The following PVT1 variants were observed in gnomAD, a reference collection of about 807,000 sequenced individuals.
PVT1 encodes the protein CXCR4/PVT1 fusion.
intron 3 of PVT1, among the ~76,000 whole-genome samples, chr8:127,961,689 C>G (rs968049389): frequency 5.9e-5 from 9 of 152,224 alleles, no homozygotes; most frequent in Admixed American, 6.5e-5. Flanking sequence ...TTACTGTTCT[C>G]CAAACCACGG....
chr8:127,817,888 C>T (rs772034544), intron 2 of PVT1, among the ~76,000 whole-genome samples: 6 of 151,938 alleles, frequency 3.9e-5, no homozygotes, highest in South Asian at 4.2e-4. Context: ...GAGAAAGATC[C>T]GGCATGTGTA....
intron 4 of PVT1, among the ~76,000 whole-genome samples, chr8:128,033,396 C>T (rs919110893): frequency 3.3e-5 from 5 of 152,256 alleles, no homozygotes; most frequent in African/African-American, 1.2e-4. Flanking sequence ...CTCTTGCAGC[C>T]AGTTCTCCCT....
At chr8:128,089,573 G>A (rs1295453585) in intron 5 of PVT1, among the ~76,000 whole-genome samples, 2 of 152,170 alleles carry the variant, frequency 1.3e-5, no homozygotes, top group Non-Finnish European at 2.9e-5. Context: ...CTATAACTGG[G>A]ATGCAAGGAT....
At chr8:128,028,048 C>G (rs925774127) in intron 4 of PVT1, among the ~76,000 whole-genome samples, 1 of 152,350 alleles carries the variant, frequency 6.6e-6, no homozygotes, top group Admixed American at 6.5e-5. Flanking sequence ...TCCTGCCCTC[C>G]GTCCCGCCAC....
Position 127,976,074 on chromosome 8 carries a change from A to T in PVT1, n.783-13088A>T, listed in dbSNP as rs59782674. ...TAAAGAGCCTTGTTGTCTCTAAGGA[A>T]GAGTGGAGCTTACATCTTTGGGTTT... On this transcript the variant is annotated intron_variant and non_coding_transcript_variant, in intron 3 of 10. Coordinates refer to ENST00000651587, the Ensembl canonical transcript of PVT1. 9.8e-4 allele frequency among the ~76,000 whole-genome samples: 149 copies of T among 152,338 alleles called. 3 individuals are homozygous for T. In the East Asian group the frequency reaches 0.025, roughly 25 times the overall value.
At chr8:127,830,642 G>T (rs1814838591) in intron 2 of PVT1, among the ~76,000 whole-genome samples, 1 of 152,110 alleles carries the variant, frequency 6.6e-6, no homozygotes, top group Non-Finnish European at 1.5e-5. Flanking sequence ...CTAGCACGTT[G>T]CGGGGCTGTG....
chr8:127,956,485 T>C (rs1217391328), intron 3 of PVT1, among the ~76,000 whole-genome samples: 1 of 152,242 alleles, frequency 6.6e-6, no homozygotes, highest in Non-Finnish European at 1.5e-5. Flanking sequence ...TTGTTGTGTT[T>C]TTTCTGTTTT....
At chr8:127,817,555 A>G (rs1403216125) in intron 2 of PVT1, among the ~76,000 whole-genome samples, 1 of 96,724 alleles carries the variant, frequency 1.0e-5, no homozygotes, top group Non-Finnish European at 2.3e-5. Flanking sequence ...ATACACACAC[A>G]CACACATATA....
intron 4 of PVT1, among the ~76,000 whole-genome samples, chr8:128,050,081 T>C (rs1813670505): frequency 6.6e-6 from 1 of 152,164 alleles, no homozygotes; most frequent in Non-Finnish European, 1.5e-5. Context: ...TTTTGGGAAG[T>C]CCTGGCCTGT....
chr8:127,947,473 C>G (rs1347527131), intron 3 of PVT1: 1 of 327,226 alleles, frequency 3.1e-6, no homozygotes, highest in Non-Finnish European at 6.1e-6. Flanking sequence ...TTGGCATTCC[C>G]TCTGTCTCCT....
At chr8:127,891,010 C>T (rs940211376) in intron 3 of PVT1, 2 of 152,678 alleles carry the variant, frequency 1.3e-5, no homozygotes, top group Non-Finnish European at 2.9e-5. Flanking sequence ...TGAGGCTGTC[C>T]TGGCTGGTCA....
chr8:127,824,864 A>T (rs1005458957), intron 2 of PVT1, among the ~76,000 whole-genome samples: 5 of 152,188 alleles, frequency 3.3e-5, no homozygotes, highest in African/African-American at 1.2e-4. Context: ...TCCTGCCTGT[A>T]ATCCCAGCAC....
intron 3 of PVT1, among the ~76,000 whole-genome samples, chr8:127,925,807 A>C (rs1000003273): frequency 9.2e-5 from 14 of 151,940 alleles, no homozygotes; most frequent in Non-Finnish European, 1.9e-4. Context: ...ATGCCTGGCT[A>C]ATTTTGTATT....
At chr8:127,827,120 C>G (rs555097318) in intron 2 of PVT1, among the ~76,000 whole-genome samples, 2 of 151,138 alleles carry the variant, frequency 1.3e-5, no homozygotes, top group African/African-American at 2.4e-5. Flanking sequence ...CTCAGTCTCC[C>G]AAGTAGCTGG....
chr8:127,920,001 A>G (rs1192096247), intron 3 of PVT1, among the ~76,000 whole-genome samples: 1 of 152,158 alleles, frequency 6.6e-6, no homozygotes, highest in Non-Finnish European at 1.5e-5. Flanking sequence ...CCTGGCCTTG[A>G]AGTCTCCCCC....
Position 127,880,780 on chromosome 8 carries a change from T to C in PVT1, n.373-9809T>C, listed in dbSNP as rs567961463. ...CATGACTGGCTAATTTTTTGTACTTTAGTAGAGACGGGGTTTTGCCATGCT... is the reference window on the plus strand; with the variant it reads ...CATGACTGGCTAATTTTTTGTACTTCAGTAGAGACGGGGTTTTGCCATGCT... On this transcript the variant is annotated intron_variant and non_coding_transcript_variant, in intron 2 of 10. Transcript: ENST00000651587. 6.6e-5 allele frequency among the ~76,000 whole-genome samples: 10 copies of C among 152,214 alleles called. No individual in the cohort carries two copies. The South Asian group carries it at 1.9e-3, about 28-fold the overall frequency.
intron 4 of PVT1, among the ~76,000 whole-genome samples, chr8:128,053,747 C>T (rs1293372859): frequency 1.3e-5 from 2 of 152,196 alleles, no homozygotes; most frequent in South Asian, 2.1e-4. Context: ...AATTAATTAT[C>T]ATAACAAGTC....
In PVT1 at chr8:127,858,522, G is replaced by A. The variant is rs569402415; in HGVS notation, n.373-32067G>A. Among the ~76,000 whole-genome samples, 13 of 152,084 alleles carry A rather than the reference G, an allele frequency of 8.5e-5. No homozygotes were observed. The South Asian group carries it at 2.3e-3, about 27-fold the overall frequency. Reference sequence around the variant, plus strand: ...ATGCATGTGAGTGATATGGAGACAAGTTTTAACATGGGCACTTTTTGAAAA... The same window carrying A: ...ATGCATGTGAGTGATATGGAGACAAATTTTAACATGGGCACTTTTTGAAAA... On this transcript the variant is annotated intron_variant and non_coding_transcript_variant, in intron 2 of 10. Transcript: ENST00000651587.
chr8:127,858,802 A>ATTTTT (rs1442302514), intron 2 of PVT1, among the ~76,000 whole-genome samples: 13 of 38,306 alleles, frequency 3.4e-4, no homozygotes, highest in South Asian at 7.7e-4. Context: ...ACACTTGAAG[A>ATTTTT]TTCTTTTTTT....
Sources: allele counts gnomAD v4.1 joint callset (sites outside exome capture counted in the v4.1 genomes callset), GRCh38; gene constraint gnomAD v4.1.1; transcripts MANE v1.5; gene names NCBI Gene and HGNC (gene_info 2026-07-23, HGNC 2026-07-21).